The following GLIPR2 variants were observed in gnomAD, a reference collection of about 807,000 sequenced individuals.
GLIPR2 encodes the protein GLI pathogenesis related 2.
Under a neutral mutation model 20.4 loss-of-function variants are expected in GLIPR2, and 21 were observed. That is an observed-to-expected ratio of 1.03 (90% CI 0.73 to 1.48). The LOEUF (loss-of-function observed/expected upper bound fraction) is 1.48, where lower values mean the gene tolerates loss of function less well. Ranked by LOEUF, GLIPR2 falls within the 40% of genes most tolerant of loss-of-function variation. GLIPR2 has a pLI of 0.00. For synonymous variants in GLIPR2, 91 were observed against 80.5 expected (o/e 1.13, Z -0.70); for missense variants, 205 against 200.1 (o/e 1.02, Z -0.15).
intron 4 of GLIPR2, chr9:36,162,129 C>T: frequency 6.4e-6 from 6 of 939,370 alleles, no homozygotes; most frequent in Admixed American, 3.0e-5. Context: ...GAGCCAAGAT[C>T]ATGCCACTGC....
Position 36,141,192 on chromosome 9 carries a change from G to A in GLIPR2, c.13+4401G>A, listed in dbSNP as rs1825061767. Among the ~76,000 whole-genome samples, 2 of 152,148 alleles carry A rather than the reference G, an allele frequency of 1.3e-5. 1 individual carries two copies. Among genetic ancestry groups the A allele is most frequent in the South Asian group, 4.1e-4 (2 of 4,838 alleles). The stretch of plus-strand genomic sequence containing the variant: ...ACTGCAGCCTTGTGAGGTAGATACT[G>A]CTGTTCTCATTTTATGTATGGGGAA... On this transcript the variant is annotated intron_variant, in intron 1 of 4. Coordinates refer to ENST00000377960, the MANE Select transcript of GLIPR2 (RefSeq NM_022343.4).
intron 4 of GLIPR2, among the ~76,000 whole-genome samples, chr9:36,154,340 G>A (rs1429105590): frequency 2.0e-5 from 3 of 152,082 alleles, no homozygotes; most frequent in African/African-American, 4.8e-5. Context: ...CCAATTTCCT[G>A]TGAATCATTC....
At chr9:36,143,383 G>A (rs922732811) in intron 1 of GLIPR2, among the ~76,000 whole-genome samples, 4 of 152,072 alleles carry the variant, frequency 2.6e-5, no homozygotes, top group African/African-American at 4.8e-5. Context: ...CTTTCCTGAC[G>A]CATTTGTGGT....
At chr9:36,161,048 AAAAG>A (rs2132794826) in intron 4 of GLIPR2, among the ~76,000 whole-genome samples, 1 of 152,266 alleles carries the variant, frequency 6.6e-6, no homozygotes, top group African/African-American at 2.4e-5. Context: ...TCTCAAAAAA[AAAAG>A]AAAAGAAAAA....
At chr9:36,138,024 G>A (rs1824905247) in intron 1 of GLIPR2, among the ~76,000 whole-genome samples, 1 of 152,234 alleles carries the variant, frequency 6.6e-6, no homozygotes. Context: ...TACAATGAGG[G>A]TGGCCGTATG....
intron 4 of GLIPR2, among the ~76,000 whole-genome samples, chr9:36,153,421 A>G (rs1200294794): frequency 6.6e-6 from 1 of 152,210 alleles, no homozygotes; most frequent in Non-Finnish European, 1.5e-5. Context: ...GGGGGCAGCC[A>G]GAGCCTGATC....
intron 4 of GLIPR2, among the ~76,000 whole-genome samples, chr9:36,151,615 A>T (rs1825590680): frequency 6.6e-6 from 1 of 152,086 alleles, no homozygotes; most frequent in Non-Finnish European, 1.5e-5. Flanking sequence ...GAGAGGGAGA[A>T]GGTGGCTTCT....
At chr9:36,140,754 G>C (rs1200140907) in intron 1 of GLIPR2, among the ~76,000 whole-genome samples, 1 of 152,154 alleles carries the variant, frequency 6.6e-6, no homozygotes, top group Non-Finnish European at 1.5e-5. Flanking sequence ...GGGGTAAAGG[G>C]AGGGGCATTC....
intron 3 of GLIPR2, among the ~76,000 whole-genome samples, chr9:36,149,199 G>A (rs1825476975): frequency 6.6e-6 from 1 of 152,216 alleles, no homozygotes; most frequent in Non-Finnish European, 1.5e-5. Flanking sequence ...CCACCATGCT[G>A]CCCAGACATT....
chr9:36,150,526 A>G (rs959199063), intron 3 of GLIPR2, among the ~76,000 whole-genome samples: 2 of 152,226 alleles, frequency 1.3e-5, no homozygotes, highest in African/African-American at 4.8e-5. Context: ...CTTGCAGTAC[A>G]TTGCATTCAA....
chr9:36,162,163 A>C (rs1826083441), intron 4 of GLIPR2, 199 bp from the exon 5 acceptor site: 2 of 1,356,682 alleles, frequency 1.5e-6, no homozygotes, highest in East Asian at 5.4e-5. Context: ...TTACAGAGCG[A>C]GACTCCATCT....
chr9:36,136,626 C>T (rs528740320), upstream of GLIPR2: 33 of 506,618 alleles, frequency 6.5e-5, no homozygotes, highest in African/African-American at 5.8e-4. This position sits in a 1 kb window ranked among gnomAD's most constrained non-coding sequence, Gnocchi z 4.3. Flanking sequence ...CGGGCGCCTC[C>T]GCCCTCAGCT....
At position 36,162,857 on chromosome 9, in the gene GLIPR2, C is replaced by T. The variant is rs1563892286; in HGVS notation, c.*335C>T. The T allele has an allele frequency of 6.3e-6, 3 of 473,814 alleles. No individual in the cohort carries two copies. In the East Asian group the frequency reaches 1.9e-4, roughly 29 times the overall value. The allele number at this position is 473,814 out of a possible 1,614,324, so 29.4% of individuals were successfully genotyped here. Reference sequence around the variant, plus strand: ...CTTACTTCTAATATCCATCCCTGGACTTTTTGTATTCCAAATGTTTGTGAT... The same window carrying T: ...CTTACTTCTAATATCCATCCCTGGATTTTTTGTATTCCAAATGTTTGTGAT... On this transcript the variant is annotated 3_prime_UTR_variant, in exon 5 of 5. Coordinates refer to ENST00000377960, the MANE Select transcript of GLIPR2 (RefSeq NM_022343.4).
chr9:36,147,354 C>T (rs1455367250), intron 1 of GLIPR2, among the ~76,000 whole-genome samples: 3 of 152,168 alleles, frequency 2.0e-5, no homozygotes, highest in Non-Finnish European at 2.9e-5. Flanking sequence ...CTGAGATACC[C>T]GGTCTCCTTC....
chr9:36,153,169 T>C (rs1284356035), intron 4 of GLIPR2, among the ~76,000 whole-genome samples: 8 of 151,956 alleles, frequency 5.3e-5, no homozygotes. Flanking sequence ...TCTACCCATT[T>C]TGAAGAGGAA....
At chr9:36,156,402 A>AG (rs1825833932) in intron 4 of GLIPR2, among the ~76,000 whole-genome samples, 2 of 148,272 alleles carry the variant, frequency 1.3e-5, no homozygotes, top group South Asian at 2.1e-4. Flanking sequence ...AAAAAAAAAA[A>AG]AAAAAAAAAA....
In GLIPR2 at chr9:36,147,886, G is replaced by T. The variant is rs752018035; in HGVS notation, c.114G>T (p.Glu38Asp). The change falls in exon 2 of 5, where the codon GAG becomes GAT. Residue 38 changes from glutamate to aspartate, a missense_variant. Physicochemically the swap from Glu to Asp is conservative, Grantham distance 45 (BLOSUM62 2). Coordinates refer to ENST00000377960, the MANE Select transcript of GLIPR2 (RefSeq NM_022343.4). ...PLKLCKNLNREAQQYSEALAS... is the reference protein window; with the variant it reads ...PLKLCKNLNRDAQQYSEALAS... ...AGCTCTGCAAGAACCTCAACCGGGA[G>T]GCTCAACAGTGAGTCCCCTAGCACA... 9 of 1,492,836 alleles carry T rather than the reference G, an allele frequency of 6.0e-6. No individual in the cohort carries two copies. The highest frequency in any genetic ancestry group is 8.4e-6 in the Non-Finnish European group (9 of 1,069,620). The allele number at this position is 1,492,836 out of a possible 1,614,324, so 92.5% of individuals were successfully genotyped here.
intron 1 of GLIPR2, among the ~76,000 whole-genome samples, chr9:36,143,141 T>A (rs879698986): frequency 2.2e-4 from 34 of 152,314 alleles, no homozygotes; most frequent in South Asian, 4.1e-4. Context: ...TATGTCCCTC[T>A]CTGCCGAGGA....
At chr9:36,152,343 C>T (rs1825621543) in intron 4 of GLIPR2, among the ~76,000 whole-genome samples, 1 of 152,194 alleles carries the variant, frequency 6.6e-6, no homozygotes, top group Non-Finnish European at 1.5e-5. Context: ...TATTTCATAG[C>T]TTCTGGATTT....
Sources: allele counts gnomAD v4.1 joint callset (sites outside exome capture counted in the v4.1 genomes callset), GRCh38; gene constraint gnomAD v4.1.1; non-coding constraint Gnocchi (gnomAD v3.1); transcripts MANE v1.5; gene names NCBI Gene and HGNC (gene_info 2026-07-23, HGNC 2026-07-21).